Variants in SPATA9 observed in about 807,000 individuals in gnomAD.
SPATA9 encodes spermatogenesis associated 9, also known as spermatogenesis-associated protein 9.
A neutral mutation model predicts 25.5 loss-of-function variants in SPATA9; 27 were observed. The ratio of observed to expected loss-of-function variants is 1.06; its 90% CI spans 0.78 to 1.46. SPATA9 has a LOEUF of 1.46. Among genes scored for constraint, SPATA9 ranks in the 40% most tolerant of loss-of-function variants. The probability of loss-of-function intolerance (pLI) is 0.00; values close to 1 mark genes in which losing one functional copy is unlikely to be tolerated. For synonymous variants in SPATA9, 102 were observed against 105.7 expected, an observed-to-expected ratio of 0.97 and a Z score of 0.21; for missense variants, 282 against 297.5, an observed-to-expected ratio of 0.95 and a Z score of 0.38.
At chr5:95,681,589 C>G (rs951998580) in intron 2 of SPATA9, among the ~76,000 whole-genome samples, 1 of 152,114 alleles carries the variant, frequency 6.6e-6, no homozygotes, top group East Asian at 1.9e-4. Flanking sequence ...AGCTCATTAG[C>G]GGAAAGGATC....
At chr5:95,685,318 A>G (rs1753714072), upstream of SPATA9, among the ~76,000 whole-genome samples, 1 of 152,202 alleles carries the variant, frequency 6.6e-6, no homozygotes, top group African/African-American at 2.4e-5. Flanking sequence ...TAGAACCCTA[A>G]CAACCTTCCT....
At chr5:95,682,492 T>C in intron 2 of SPATA9, 36 bp downstream of exon 2, 1 of 1,362,354 alleles carries the variant, frequency 7.3e-7, no homozygotes, top group Non-Finnish European at 1.0e-6. Context: ...GAATATATTT[T>C]TTCTATTCCT....
At chr5:95,675,190 C>G (rs574088925) in intron 3 of SPATA9, among the ~76,000 whole-genome samples, 1 of 152,176 alleles carries the variant, frequency 6.6e-6, no homozygotes, top group South Asian at 2.1e-4. Flanking sequence ...ATTTAAGTTG[C>G]ACCATTTGAA....
At chr5:95,714,238 G>A in the SPATA9 span, among the ~76,000 whole-genome samples, 1 of 152,106 alleles carries the variant, frequency 6.6e-6, no homozygotes, top group Non-Finnish European at 1.5e-5. Flanking sequence ...GCTCAAGAGA[G>A]TAATATGGGA....
At chr5:95,710,527 G>C in the SPATA9 span, among the ~76,000 whole-genome samples, 8 of 152,276 alleles carry the variant, frequency 5.3e-5, no homozygotes, top group African/African-American at 1.9e-4. Flanking sequence ...AGAGGCCACG[G>C]GATCCAGTCT....
intron 2 of SPATA9, among the ~76,000 whole-genome samples, chr5:95,680,872 C>T (rs1753392365): frequency 6.6e-6 from 1 of 152,192 alleles, no homozygotes; most frequent in South Asian, 2.1e-4. Context: ...TGCTCTTCCT[C>T]ATCTTGTCTT....
chr5:95,693,382 A>G (rs778874015), intron 1 of SPATA9, among the ~76,000 whole-genome samples: 1 of 152,254 alleles, frequency 6.6e-6, no homozygotes, highest in Non-Finnish European at 1.5e-5. Context: ...TAGCTGCTGT[A>G]CAGCAATAAA....
chr5:95,680,365 A>T (rs886792173), intron 2 of SPATA9, among the ~76,000 whole-genome samples: 9 of 152,244 alleles, frequency 5.9e-5, no homozygotes, highest in Admixed American at 5.2e-4. Flanking sequence ...TTTTCTGGGT[A>T]ACTAAAATTT....
the SPATA9 span, among the ~76,000 whole-genome samples, chr5:95,706,535 C>A: frequency 1.2e-4 from 19 of 152,008 alleles, no homozygotes; most frequent in African/African-American, 4.6e-4. Flanking sequence ...AATTAAATCT[C>A]TTTTCTTTAT....
chr5:95,678,016 C>T (rs1235485341), intron 2 of SPATA9, among the ~76,000 whole-genome samples: 2 of 152,162 alleles, frequency 1.3e-5, no homozygotes, highest in Non-Finnish European at 2.9e-5. Context: ...ATTATCTGGG[C>T]TGGTTGGGAC....
At chr5:95,706,054 CT>C in the SPATA9 span, among the ~76,000 whole-genome samples, 1 of 152,188 alleles carries the variant, frequency 6.6e-6, no homozygotes, top group Non-Finnish European at 1.5e-5. Flanking sequence ...CATGGACCTC[CT>C]CCCACTCCCA....
chr5:95,728,136 T>A, the SPATA9 span, among the ~76,000 whole-genome samples: 1 of 152,220 alleles, frequency 6.6e-6, no homozygotes, highest in Admixed American at 6.5e-5. Context: ...CATTTAGCTA[T>A]CTTGGAAGAG....
chr5:95,675,333 C>T, intron 3 of SPATA9, 79 bp downstream of exon 3: 3 of 1,164,192 alleles, frequency 2.6e-6, no homozygotes, highest in South Asian at 3.1e-5. Context: ...ATCAAGTTCA[C>T]CACATTTTAT....
chr5:95,715,933 A>G, the SPATA9 span, among the ~76,000 whole-genome samples: 1 of 152,236 alleles, frequency 6.6e-6, no homozygotes, highest in Non-Finnish European at 1.5e-5. Context: ...ATACCACATA[A>G]AAAGACAAAT....
chr5:95,707,327 C>T, the SPATA9 span, among the ~76,000 whole-genome samples: 1 of 151,830 alleles, frequency 6.6e-6, no homozygotes, highest in Non-Finnish European at 1.5e-5. Context: ...ACCTTTAGAA[C>T]AAGAATAATT....
downstream of SPATA9, chr5:95,656,082 C>T (rs1316478102): frequency 4.3e-6 from 7 of 1,613,592 alleles, no homozygotes; most frequent in Non-Finnish European, 1.7e-6. Context: ...TTGCCCCTGG[C>T]ATAAATACAA....
At chr5:95,699,842 T>C (rs565967765), upstream of SPATA9, among the ~76,000 whole-genome samples, 8 of 152,352 alleles carry the variant, frequency 5.3e-5, no homozygotes, top group East Asian at 1.3e-3. Flanking sequence ...AAATATCTTA[T>C]AGTTATTTGA....
intron 3 of SPATA9, among the ~76,000 whole-genome samples, chr5:95,664,952 A>T (rs2112574099): frequency 6.6e-6 from 1 of 152,386 alleles, no homozygotes; most frequent in South Asian, 2.1e-4. Flanking sequence ...ATCGTTGATT[A>T]AAGAGTTATA....
the SPATA9 span, chr5:95,731,211 C>G: frequency 2.0e-6 from 2 of 1,001,882 alleles, no homozygotes; most frequent in South Asian, 8.5e-5. Flanking sequence ...GCGGGGAGCG[C>G]GTCCCCCGCA....
Sources: allele counts gnomAD v4.1 joint callset (sites outside exome capture counted in the v4.1 genomes callset), GRCh38; gene constraint gnomAD v4.1.1; transcripts MANE v1.5; gene names NCBI Gene and HGNC (gene_info 2026-07-23, HGNC 2026-07-21).